RBPMS: variants seen among roughly 807,000 people sequenced by gnomAD.
RBPMS encodes the protein RNA binding protein, mRNA processing factor, also known as RNA-binding protein with multiple splicing.
In RBPMS, 7 loss-of-function variants were observed where a neutral mutation model predicts 26.8. That is an observed-to-expected ratio of 0.26 (90% CI 0.15 to 0.49). RBPMS has a LOEUF of 0.49. RBPMS is among the 20% of genes least tolerant of loss of function. The probability of loss-of-function intolerance (pLI) is 0.98; values close to 1 mark genes in which losing one functional copy is unlikely to be tolerated. For synonymous variants in RBPMS, 96 were observed against 93.3 expected, an observed-to-expected ratio of 1.03 and a Z score of -0.17; for missense variants, 186 against 250.0, an observed-to-expected ratio of 0.74 and a Z score of 1.73.
intron 5 of RBPMS, among the ~76,000 whole-genome samples, chr8:30,515,164 G>C (rs1310612284): frequency 6.6e-6 from 1 of 151,990 alleles, no homozygotes; most frequent in Non-Finnish European, 1.5e-5. Context: ...TACAGATGGG[G>C]TCTTGCTTTG....
intron 5 of RBPMS, among the ~76,000 whole-genome samples, chr8:30,522,213 C>G (rs1823122074): frequency 6.6e-6 from 1 of 151,670 alleles, no homozygotes; most frequent in Admixed American, 6.6e-5. Context: ...TTAGGAAGAT[C>G]CCTGGAGCCT....
At chr8:30,393,168 G>A (rs1336373981) in intron 1 of RBPMS, among the ~76,000 whole-genome samples, 3 of 151,956 alleles carry the variant, frequency 2.0e-5, no homozygotes, top group Admixed American at 6.6e-5. Flanking sequence ...TTTTTAAAGG[G>A]TTTGGTATAC....
intron 4 of RBPMS, among the ~76,000 whole-genome samples, chr8:30,482,670 G>A (rs980948498): frequency 1.3e-5 from 2 of 152,102 alleles, no homozygotes; most frequent in African/African-American, 2.4e-5. Context: ...AAAGTCCCAC[G>A]TTAGGCAAAG....
intron 6 of RBPMS, 152 bp from the exon 7 acceptor site, chr8:30,558,735 T>C (rs915222071): frequency 2.5e-5 from 18 of 717,636 alleles, no homozygotes; most frequent in Non-Finnish European, 4.0e-5. Flanking sequence ...GCTCTGATGC[T>C]TTTCAGCCCC....
intron 1 of RBPMS, among the ~76,000 whole-genome samples, chr8:30,387,477 A>C (rs1266628120): frequency 1.3e-5 from 2 of 152,196 alleles, no homozygotes; most frequent in Admixed American, 6.5e-5. Flanking sequence ...GCATTACACA[A>C]AACCACTGCA....
chr8:30,565,189 G>C (rs997784805), intron 7 of RBPMS: 6 of 152,232 alleles, frequency 3.9e-5, no homozygotes, highest in Admixed American at 3.3e-4. Context: ...GCATAGTGAA[G>C]TTCTGGGGAA....
intron 7 of RBPMS, chr8:30,565,042 C>G (rs1261259178): frequency 6.6e-6 from 1 of 152,218 alleles, no homozygotes; most frequent in African/African-American, 2.4e-5. Flanking sequence ...CTCTGGGTGG[C>G]TCGTGCTCTC....
chr8:30,488,827 G>T (rs1035639834), intron 4 of RBPMS, among the ~76,000 whole-genome samples: 1 of 152,152 alleles, frequency 6.6e-6, no homozygotes, highest in East Asian at 1.9e-4. Context: ...TACTAAATTT[G>T]TTAATTGAGG....
At chr8:30,500,545 T>C (rs1820453613) in intron 4 of RBPMS, among the ~76,000 whole-genome samples, 1 of 152,192 alleles carries the variant, frequency 6.6e-6, no homozygotes, top group Admixed American at 6.5e-5. Flanking sequence ...ATTGAAGTAC[T>C]CTGTTTATTG....
At chr8:30,420,418 C>T (rs1344659030) in intron 1 of RBPMS, among the ~76,000 whole-genome samples, 1 of 151,962 alleles carries the variant, frequency 6.6e-6, no homozygotes, top group Non-Finnish European at 1.5e-5. Flanking sequence ...TACATAAAGC[C>T]AAGAAAATTT....
In RBPMS at chr8:30,474,204, G is replaced by A. The variant is rs541247289; in HGVS notation, c.67-575G>A. ...AATGCATTTTGGTTACTATTTAGGT[G>A]CATTGGGCTTAACTTTACTTTTACA... On this transcript the variant is annotated intron_variant, in intron 1 of 8. Transcript: ENST00000397323. Among the ~76,000 whole-genome samples the A allele has an allele frequency of 2.0e-5, 3 of 152,236 alleles. No homozygotes were observed. In the South Asian group the frequency reaches 6.2e-4, roughly 32 times the overall value.
intron 4 of RBPMS, among the ~76,000 whole-genome samples, chr8:30,495,266 A>T (rs1819808414): frequency 1.3e-5 from 2 of 151,292 alleles, no homozygotes; most frequent in African/African-American, 4.9e-5. Flanking sequence ...TCTGGTTTAG[A>T]AACAATTATG....
At chr8:30,487,509 T>C (rs886522791) in intron 4 of RBPMS, among the ~76,000 whole-genome samples, 2 of 152,178 alleles carry the variant, frequency 1.3e-5, no homozygotes, top group African/African-American at 4.8e-5. Context: ...ATATGCAATA[T>C]GAGGTATTTT....
At position 30,544,484 on chromosome 8, in the gene RBPMS, T is replaced by C. The variant is rs2151047684; in HGVS notation, c.398-10T>C. 24 of 1,612,792 alleles carry C rather than the reference T, an allele frequency of 1.5e-5. No homozygotes were observed. Among genetic ancestry groups the C allele is most frequent in the Non-Finnish European group, 1.9e-5 (22 of 1,178,826 alleles). ...TAACCACTAACTCTCGCCTTATTCT[T>C]TTCTTGCAGATGAGCTCACAGTGCC... On this transcript the variant is annotated splice_polypyrimidine_tract_variant and intron_variant, in intron 5 of 8. Coordinates refer to ENST00000397323, the MANE Select transcript of RBPMS (RefSeq NM_001008710.3).
chr8:30,385,259 C>G (rs1378397186), intron 1 of RBPMS, 101 bp downstream of exon 1: 2 of 786,344 alleles, frequency 2.5e-6, no homozygotes, highest in Admixed American at 8.7e-5. Flanking sequence ...AAGGTTCAGG[C>G]ATGGCCCGTG....
chr8:30,468,053 C>T (rs970879119), intron 1 of RBPMS, among the ~76,000 whole-genome samples: 5 of 151,774 alleles, frequency 3.3e-5, no homozygotes, highest in Non-Finnish European at 7.4e-5. Context: ...GGAATATGGG[C>T]AGTTCCTGCT....
intron 1 of RBPMS, among the ~76,000 whole-genome samples, chr8:30,385,682 A>T (rs766390118): frequency 1.6e-4 from 25 of 152,114 alleles, no homozygotes; most frequent in Non-Finnish European, 3.4e-4. Context: ...CATCAGCCAC[A>T]TTCTTCTCTG....
intron 1 of RBPMS, among the ~76,000 whole-genome samples, chr8:30,444,420 A>G (rs1270873789): frequency 6.6e-6 from 1 of 152,194 alleles, no homozygotes; most frequent in African/African-American, 2.4e-5. Context: ...TCAGCACTAT[A>G]GGCTTTCAGA....
At chr8:30,435,489 T>C (rs1224069441) in intron 1 of RBPMS, among the ~76,000 whole-genome samples, 1 of 152,248 alleles carries the variant, frequency 6.6e-6, no homozygotes, top group Non-Finnish European at 1.5e-5. Context: ...AATCACAGAT[T>C]GTTGTAATCT....
Sources: allele counts gnomAD v4.1 joint callset (sites outside exome capture counted in the v4.1 genomes callset), GRCh38; gene constraint gnomAD v4.1.1; transcripts MANE v1.5; gene names NCBI Gene and HGNC (gene_info 2026-07-23, HGNC 2026-07-21).